Variants in ARRB1 observed in about 807,000 individuals in gnomAD.
ARRB1 encodes arrestin beta 1.
Under a neutral mutation model 56.8 loss-of-function variants are expected in ARRB1, and 21 were observed. The observed-to-expected ratio is 0.37, with a 90% CI of 0.26 to 0.53. The LOEUF is 0.53. ARRB1 is among the 20% of genes least tolerant of loss of function. The probability of loss-of-function intolerance (pLI) is 0.88; values close to 1 mark genes in which losing one functional copy is unlikely to be tolerated. For missense variants in ARRB1, 424 were observed against 553.7 expected, an observed-to-expected ratio of 0.77 and a Z score of 2.35; for synonymous variants, 210 against 218.6, an observed-to-expected ratio of 0.96 and a Z score of 0.35.
At chr11:75,343,917 G>A (rs1308991211) in intron 1 of ARRB1, among the ~76,000 whole-genome samples, 1 of 151,986 alleles carries the variant, frequency 6.6e-6, no homozygotes, top group East Asian at 1.9e-4. Flanking sequence ...CCGGGTTCAT[G>A]CTATTCTCCT....
At chr11:75,273,136 G>A (rs1591895633) in intron 11 of ARRB1, among the ~76,000 whole-genome samples, 158 bp from the exon 12 acceptor site, 1 of 152,176 alleles carries the variant, frequency 6.6e-6, no homozygotes, top group Non-Finnish European at 1.5e-5. Context: ...AGGAAGGCGA[G>A]CAGTGCCCTT....
chr11:75,272,595 C>T (rs1053362676), intron 12 of ARRB1, among the ~76,000 whole-genome samples: 6 of 152,054 alleles, frequency 3.9e-5, no homozygotes, highest in Admixed American at 6.5e-5. Context: ...ACTCTGAGGA[C>T]GCCGTCCCCT....
chr11:75,333,980 C>A (rs1376600367), intron 1 of ARRB1, among the ~76,000 whole-genome samples: 1 of 152,188 alleles, frequency 6.6e-6, no homozygotes, highest in Admixed American at 6.5e-5. Context: ...ACTCCTGACC[C>A]AGTCCCAGGA....
chr11:75,350,880 T>C (rs1947837959), intron 1 of ARRB1, among the ~76,000 whole-genome samples: 1 of 152,170 alleles, frequency 6.6e-6, no homozygotes, highest in South Asian at 2.1e-4. Context: ...GGCCTTGGGC[T>C]AGCAGCTCGT....
chr11:75,279,814 T>C (rs1946287169), intron 7 of ARRB1, among the ~76,000 whole-genome samples: 1 of 152,150 alleles, frequency 6.6e-6, no homozygotes, highest in South Asian at 2.1e-4. Flanking sequence ...GTTACAGGCA[T>C]ATGCCACCAC....
chr11:75,267,121 G>A (rs1299241291), intron 15 of ARRB1, among the ~76,000 whole-genome samples: 4 of 152,190 alleles, frequency 2.6e-5, no homozygotes, highest in Non-Finnish European at 4.4e-5. Context: ...ATTGGCTTTG[G>A]AGCTGGAGCA....
intron 15 of ARRB1, among the ~76,000 whole-genome samples, chr11:75,266,753 AAGG>A (rs1303457729): frequency 2.0e-5 from 3 of 152,066 alleles, no homozygotes; most frequent in African/African-American, 7.2e-5. Context: ...TCTGGACAGC[AAGG>A]AGTAGTTTGG....
At chr11:75,307,470 C>G (rs1274138781) in intron 1 of ARRB1, among the ~76,000 whole-genome samples, 1 of 152,116 alleles carries the variant, frequency 6.6e-6, no homozygotes, top group Non-Finnish European at 1.5e-5. Context: ...TCCTACAGAA[C>G]AAGAGGACTG....
At chr11:75,346,228 A>G (rs1020837051) in intron 1 of ARRB1, among the ~76,000 whole-genome samples, 8 of 152,078 alleles carry the variant, frequency 5.3e-5, no homozygotes, top group African/African-American at 1.9e-4. Flanking sequence ...CACCTCTTCA[A>G]AGAAGCCTTC....
chr11:75,317,261 A>G (rs982218913), intron 1 of ARRB1, among the ~76,000 whole-genome samples: 5 of 152,126 alleles, frequency 3.3e-5, no homozygotes, highest in Admixed American at 2.6e-4. Flanking sequence ...AACCCAGATC[A>G]GGAAGATGAG....
At chr11:75,282,700 G>A (rs1161965232) in intron 5 of ARRB1, among the ~76,000 whole-genome samples, 1 of 152,230 alleles carries the variant, frequency 6.6e-6, no homozygotes, top group Non-Finnish European at 1.5e-5. Flanking sequence ...TGCCGAGTTT[G>A]TGGCAATCTG....
chr11:75,260,892 T>C lies in ARRB1; in HGVS notation c.*5271A>G, dbSNP rs1203224127. On this transcript the variant is annotated 3_prime_UTR_variant, in exon 16 of 16. Coordinates refer to ENST00000420843, the MANE Select transcript of ARRB1 (RefSeq NM_004041.5). ...TCTTTTATGTGAGCCAAGATTTCCA[T>C]CCATCCGGCGCTGTGTAAAGATGAA... 1 of 152,144 alleles carries C rather than the reference T, an allele frequency of 6.6e-6. No individual in the cohort carries two copies. Among genetic ancestry groups the C allele is most frequent in the Non-Finnish European group, 1.5e-5 (1 of 68,038 alleles). The allele number at this position is 152,144 out of a possible 1,614,324, so 9.4% of individuals were successfully genotyped here.
In ARRB1 at chr11:75,260,980, G is replaced by A. The variant is rs1945774516; in HGVS notation, c.*5183C>T. ...TGCTGTGTCCCTTGGGCCTAGGCCAGGAAAGTGGGGTGCCAGATAGGGGTG... is the reference window on the plus strand; with the variant it reads ...TGCTGTGTCCCTTGGGCCTAGGCCAAGAAAGTGGGGTGCCAGATAGGGGTG... On this transcript the variant is annotated 3_prime_UTR_variant, in exon 16 of 16. Coordinates refer to ENST00000420843, the MANE Select transcript of ARRB1 (RefSeq NM_004041.5). 6.6e-6 allele frequency: 1 copy of A among 152,382 alleles called. No individual in the cohort carries two copies. Among genetic ancestry groups the A allele is most frequent in the Non-Finnish European group, 1.5e-5 (1 of 68,192 alleles). The allele number at this position is 152,382 out of a possible 1,614,324, so 9.4% of individuals were successfully genotyped here.
chr11:75,344,780 G>T (rs1038675350), intron 1 of ARRB1, among the ~76,000 whole-genome samples: 1 of 152,022 alleles, frequency 6.6e-6, no homozygotes. Context: ...AGTGTGATGG[G>T]GGAAGAAAGG....
intron 1 of ARRB1, among the ~76,000 whole-genome samples, chr11:75,292,002 T>A (rs1946621966): frequency 6.6e-6 from 1 of 152,204 alleles, no homozygotes; most frequent in Non-Finnish European, 1.5e-5. Flanking sequence ...GCCCTGGCCC[T>A]GCCCACCCTC....
At chr11:75,337,786 C>CTTTTTTT (rs71036046) in intron 1 of ARRB1, among the ~76,000 whole-genome samples, 3 of 38,450 alleles carry the variant, frequency 7.8e-5, no homozygotes, top group Admixed American at 4.9e-4. Flanking sequence ...ATTGAAATGT[C>CTTTTTTT]TTTTTTTTTT....
At chr11:75,293,846 C>G (rs909553391) in intron 1 of ARRB1, among the ~76,000 whole-genome samples, 1 of 152,188 alleles carries the variant, frequency 6.6e-6, no homozygotes, top group Non-Finnish European at 1.5e-5. Flanking sequence ...GGCAGTCTCA[C>G]TCTCTCTGCA....
In ARRB1 at chr11:75,283,362, G is replaced by T; in HGVS notation, c.279C>A (p.Asp93Glu). ...NVQSFPPAPE[D>E]KKPLTRLQER... ...CCTGCAGCCGCGTCAGGGGCTTCTT[G>T]TCCTCGGGGGCCGGTGGGAACGACT... Residue 93 changes from aspartate (D) to glutamate (E), a missense_variant, in exon 5 of 16, where the codon GAC becomes GAA. Physicochemically the swap from Asp to Glu is conservative, Grantham distance 45. This residue lies in a region of ARRB1 where 301 missense variants were observed against 387.9 expected (regional missense o/e 0.78). Coordinates refer to ENST00000420843, the MANE Select transcript of ARRB1 (RefSeq NM_004041.5). 6.2e-7 allele frequency: 1 copy of T among 1,614,184 alleles called. No individual in the cohort carries two copies. Among genetic ancestry groups the T allele is most frequent in the Non-Finnish European group, 8.5e-7 (1 of 1,180,008 alleles).
chr11:75,278,782 A>T, intron 7 of ARRB1, 38 bp from the exon 8 acceptor site: 1 of 1,571,926 alleles, frequency 6.4e-7, no homozygotes, highest in Non-Finnish European at 8.6e-7. Context: ...GACCAGGGTC[A>T]CCTGCCTTCA....
Sources: allele counts gnomAD v4.1 joint callset (sites outside exome capture counted in the v4.1 genomes callset), GRCh38; gene constraint gnomAD v4.1.1; regional missense constraint gnomAD v4.1.1; transcripts MANE v1.5; gene names NCBI Gene and HGNC (gene_info 2026-07-23, HGNC 2026-07-21).